Variants in FHIP1A observed in about 807,000 individuals in gnomAD.
The protein encoded by FHIP1A is FHF complex subunit HOOK-interacting protein 1A.
In FHIP1A, 61 loss-of-function variants were observed where a neutral mutation model predicts 88.6. That is an observed-to-expected ratio of 0.69 (90% confidence interval 0.56 to 0.85). The LOEUF is 0.85. FHIP1A is among the 40% of genes least tolerant of loss of function. The pLI, the probability that FHIP1A is intolerant of heterozygous loss-of-function variation, is 0.00. For synonymous variants in FHIP1A, 478 were observed against 496.0 expected (o/e 0.96, Z 0.48); for missense variants, 1,154 against 1,273.5 (o/e 0.91, Z 1.43).
intron 2 of FHIP1A, among the ~76,000 whole-genome samples, chr4:151,455,876 T>C: frequency 6.6e-6 from 1 of 152,206 alleles, no homozygotes; most frequent in East Asian, 1.9e-4. Context: ...TGTGGAAGTA[T>C]ATAAAACATA....
chr4:151,456,178 C>G (rs1392151849), intron 2 of FHIP1A, among the ~76,000 whole-genome samples: 1 of 152,184 alleles, frequency 6.6e-6, no homozygotes, highest in Non-Finnish European at 1.5e-5. Flanking sequence ...CCATAACTCT[C>G]TAATTTATTA....
intron 7 of FHIP1A, among the ~76,000 whole-genome samples, chr4:151,627,342 C>T (rs1735990712): frequency 6.6e-6 from 1 of 152,104 alleles, no homozygotes; most frequent in South Asian, 2.1e-4. Flanking sequence ...TCATGTTAGC[C>T]CTCAAAGACT....
intron 3 of FHIP1A, among the ~76,000 whole-genome samples, chr4:151,557,272 T>C (rs1191357356): frequency 6.6e-6 from 1 of 152,230 alleles, no homozygotes; most frequent in African/African-American, 2.4e-5. Context: ...CAGGATGCTT[T>C]CAAGGGGGAA....
chr4:151,506,848 CA>C (rs1341681766), intron 3 of FHIP1A, among the ~76,000 whole-genome samples: 6 of 152,066 alleles, frequency 3.9e-5, no homozygotes, highest in Non-Finnish European at 5.9e-5. Context: ...AATATGAAAC[CA>C]GTTATGTAAT....
chr4:151,517,496 GC>G (rs1323092027), intron 3 of FHIP1A, among the ~76,000 whole-genome samples: 2 of 152,032 alleles, frequency 1.3e-5, no homozygotes, highest in African/African-American at 4.8e-5. Context: ...ATTAAATGCA[GC>G]AATATGGCGA....
rs1193555902 is a variant in FHIP1A, at chr4:151,412,584, T to TTTCCTTCCTTCCTTCCTTCC, written c.-356+3129_-356+3148dup. Among the ~76,000 whole-genome samples the TTTCCTTCCTTCCTTCCTTCC allele has an allele frequency of 2.0e-4, 23 of 115,244 alleles. 1 individual carries two copies. Among genetic ancestry groups the TTTCCTTCCTTCCTTCCTTCC allele is most frequent in the African/African-American group, 7.7e-4 (21 of 27,306 alleles). The allele number at this position is 115,244 out of a possible 152,430, so 75.6% of individuals were successfully genotyped here. ...TTTCTTTCTTTCTTTCTTTCCTTTC[T>TTTCCTTCCTTCCTTCCTTCC]TTCCTTCCTTCCTTCCTTCCTTCCT... On this transcript the variant is annotated intron_variant, in intron 1 of 13. Coordinates refer to ENST00000435205, the MANE Select transcript of FHIP1A (RefSeq NM_001109977.3).
intron 13 of FHIP1A, among the ~76,000 whole-genome samples, chr4:151,661,115 A>G (rs1478432794): frequency 2.7e-5 from 4 of 150,820 alleles, no homozygotes; most frequent in African/African-American, 9.8e-5. Context: ...GAGTAGGTCC[A>G]TGGTGTCCCA....
intron 3 of FHIP1A, among the ~76,000 whole-genome samples, chr4:151,535,389 C>T (rs903921974): frequency 3.3e-5 from 5 of 152,150 alleles, no homozygotes; most frequent in African/African-American, 1.2e-4. Context: ...ATTAAAAAAT[C>T]AATCTAGTTA....
chr4:151,560,372 G>A lies in FHIP1A; in HGVS notation c.-122-5766G>A, dbSNP rs193078670. Among the ~76,000 whole-genome samples the A allele has an allele frequency of 3.5e-3, 531 of 152,114 alleles. 3 individuals carry two copies. The highest frequency in any genetic ancestry group is 6.4e-3 in the Non-Finnish European group (434 of 67,972). The stretch of plus-strand genomic sequence containing the variant: ...AGACTAAACAACATCACTTGCCAAA[G>A]GTACCTACTCTTCCAGAGAACATGA... On this transcript the variant is annotated intron_variant, in intron 3 of 13. Transcript: ENST00000435205.
chr4:151,660,585 G>A (rs1420963579), intron 13 of FHIP1A, among the ~76,000 whole-genome samples: 1 of 152,222 alleles, frequency 6.6e-6, no homozygotes, highest in Non-Finnish European at 1.5e-5. Context: ...CTAAAGACAT[G>A]TTATCAGATA....
At chr4:151,445,535 C>A (rs1728567208) in intron 1 of FHIP1A, among the ~76,000 whole-genome samples, 1 of 151,790 alleles carries the variant, frequency 6.6e-6, no homozygotes, top group African/African-American at 2.4e-5. Flanking sequence ...GACAACCAGC[C>A]CCTATCCTCC....
intron 5 of FHIP1A, among the ~76,000 whole-genome samples, chr4:151,585,330 C>A (rs892078634): frequency 3.9e-5 from 6 of 152,080 alleles, no homozygotes; most frequent in Non-Finnish European, 7.4e-5. Flanking sequence ...CAGCCTTGTG[C>A]CACCACACCC....
intron 6 of FHIP1A, among the ~76,000 whole-genome samples, chr4:151,587,252 C>T (rs1734254003): frequency 1.3e-5 from 2 of 152,122 alleles, no homozygotes. Context: ...TAAGCATTTT[C>T]ATTGCAACAC....
rs1169050319 is a variant in FHIP1A at position 151,664,338 on chromosome 4, G to T, written c.*1584G>T. Reference sequence around the variant, plus strand: ...GCTGTGGAGCAGTGGAGGCCCTTTTGTGCTTCAGGAATCTTGAAGCAGCTT... The same window carrying T: ...GCTGTGGAGCAGTGGAGGCCCTTTTTTGCTTCAGGAATCTTGAAGCAGCTT... On this transcript the variant is annotated 3_prime_UTR_variant, in exon 14 of 14. Transcript: ENST00000435205. Among the ~76,000 whole-genome samples the T allele has an allele frequency of 1.3e-5, 2 of 152,224 alleles. No individual in the cohort carries two copies. Among genetic ancestry groups the T allele is most frequent in the African/African-American group, 4.8e-5 (2 of 41,460 alleles).
chr4:151,611,077 G>GTGTA (rs1439146791), intron 7 of FHIP1A, among the ~76,000 whole-genome samples: 33 of 152,178 alleles, frequency 2.2e-4, no homozygotes, highest in Non-Finnish European at 2.9e-5. Context: ...GCCTGTGTGT[G>GTGTA]TGTATGTATG....
chr4:151,488,160 C>T (rs987779521), intron 3 of FHIP1A, among the ~76,000 whole-genome samples: 1 of 152,218 alleles, frequency 6.6e-6, no homozygotes, highest in Non-Finnish European at 1.5e-5. Flanking sequence ...TGTAGCTCCT[C>T]CACAATCAGT....
At chr4:151,642,056 T>G (rs577938666) in intron 9 of FHIP1A, among the ~76,000 whole-genome samples, 230 of 152,350 alleles carry the variant, frequency 1.5e-3, no homozygotes, top group African/African-American at 5.4e-3. Flanking sequence ...GTTTCTTTCA[T>G]TTGGTGAAAT....
rs566901754 is a variant in FHIP1A, at chr4:151,566,135, C to T, written c.-122-3C>T. On this transcript the variant is annotated splice_polypyrimidine_tract_variant and splice_region_variant and intron_variant, in intron 3 of 13. Coordinates refer to ENST00000435205, the MANE Select transcript of FHIP1A (RefSeq NM_001109977.3). ...ATTCATTTTTTTATTATTGCCATTA[C>T]AGGTTTTGGAAGGTGACAATGAAAT... The T allele has an allele frequency of 7.4e-6, 4 of 543,780 alleles. No individual in the cohort carries two copies. Among genetic ancestry groups the T allele is most frequent in the East Asian group, 6.4e-5 (2 of 31,162 alleles). 33.7% of individuals were successfully genotyped at this position (543,780 alleles called of 1,614,324 possible).
intron 1 of FHIP1A, among the ~76,000 whole-genome samples, chr4:151,439,147 AG>A (rs1455539337): frequency 6.6e-6 from 1 of 152,294 alleles, no homozygotes; most frequent in Admixed American, 6.5e-5. Flanking sequence ...TGGTAGACTC[AG>A]ATGAAAAATC....
Sources: allele counts gnomAD v4.1 joint callset (sites outside exome capture counted in the v4.1 genomes callset), GRCh38; gene constraint gnomAD v4.1.1; transcripts MANE v1.5; gene names NCBI Gene and HGNC (gene_info 2026-07-23, HGNC 2026-07-21).